Variants in F13A1 observed in about 807,000 individuals in gnomAD.
The protein encoded by F13A1 is FSF, A subunit.
In F13A1, 47 loss-of-function variants were observed where a neutral mutation model predicts 80.1. The ratio of observed to expected loss-of-function variants is 0.59; its 90% confidence interval spans 0.46 to 0.75. The LOEUF (loss-of-function observed/expected upper bound fraction) is 0.75, where lower values mean the gene tolerates loss of function less well. Among genes scored for constraint, F13A1 ranks in the 30% least tolerant of loss-of-function variants. The pLI is 0.00. For synonymous variants in F13A1, 349 were observed against 344.9 expected, an observed-to-expected ratio of 1.01 and a Z score of -0.13; for missense variants, 817 against 930.4, an observed-to-expected ratio of 0.88 and a Z score of 1.59.
In F13A1 at chr6:6,144,960, C is replaced by T. The variant is rs1282156305; in HGVS notation, c.*659G>A. Reference sequence around the variant, plus strand: ...TCAATAGACTTGAGTGTTGCACCTGCTTTCTTATCTCCTTGTAGGTGGTTA... The same window carrying T: ...TCAATAGACTTGAGTGTTGCACCTGTTTTCTTATCTCCTTGTAGGTGGTTA... On this transcript the variant is annotated 3_prime_UTR_variant, in exon 15 of 15. Coordinates refer to ENST00000264870, the MANE Select transcript of F13A1 (RefSeq NM_000129.4). The T allele has an allele frequency of 1.9e-5, 3 of 155,612 alleles. No individual in the cohort carries two copies. The highest frequency in any genetic ancestry group is 4.3e-5 in the Non-Finnish European group (3 of 70,034). The allele number at this position is 155,612 out of a possible 1,614,324, so 9.6% of individuals were successfully genotyped here. A position where few individuals can be genotyped will look rare whatever the true frequency, so the allele number is the denominator to read the frequency against.
chr6:6,292,649 G>T (rs1758240022), intron 3 of F13A1, among the ~76,000 whole-genome samples: 1 of 152,210 alleles, frequency 6.6e-6, no homozygotes, highest in South Asian at 2.1e-4. Flanking sequence ...ATAAGTGAAA[G>T]AAAGATATTA....
Position 6,222,064 on chromosome 6 carries a change from C to T in F13A1, c.1081G>A (p.Val361Met), listed in dbSNP as rs1053107480. 5.0e-6 allele frequency: 8 copies of T among 1,613,890 alleles called. No homozygotes were observed. The highest frequency in any genetic ancestry group is 4.5e-5 in the East Asian group (2 of 44,880). Reference sequence around the variant, plus strand: ...GAATCCTTGGTGAGTTTGGAATTCACGTTCCCATCTTCTTCCAGGAAGATG... The same window carrying T: ...GAATCCTTGGTGAGTTTGGAATTCATGTTCCCATCTTCTTCCAGGAAGATG... Reference protein sequence around the residue: ...MDIFLEEDGNVNSKLTKDSVW... With the variant: ...MDIFLEEDGNMNSKLTKDSVW... The change falls in exon 8 of 15, where the codon GTG becomes ATG. Residue 361 changes from valine (V) to methionine (M), a missense_variant. Transcript: ENST00000264870.
At chr6:6,252,097 C>T (rs770556624) in intron 4 of F13A1, among the ~76,000 whole-genome samples, 3 of 151,958 alleles carry the variant, frequency 2.0e-5, no homozygotes, top group Non-Finnish European at 4.4e-5. Flanking sequence ...TTTCATGACA[C>T]CGGGGGATGG....
chr6:6,245,454 C>A (rs1159702643), intron 6 of F13A1, among the ~76,000 whole-genome samples: 2 of 152,192 alleles, frequency 1.3e-5, no homozygotes, highest in African/African-American at 4.8e-5. Context: ...GAACTCCTGA[C>A]CTCAGGTGAT....
At chr6:6,209,501 A>G (rs1044916403) in intron 8 of F13A1, among the ~76,000 whole-genome samples, 2 of 152,346 alleles carry the variant, frequency 1.3e-5, no homozygotes, top group East Asian at 3.9e-4. Flanking sequence ...CTCTAAATAT[A>G]TGCCCATGAG....
intron 4 of F13A1, among the ~76,000 whole-genome samples, chr6:6,256,757 A>G (rs1017640524): frequency 7.2e-5 from 11 of 152,282 alleles, no homozygotes; most frequent in Non-Finnish European, 1.5e-4. Flanking sequence ...TAGTATCTGT[A>G]TAACCTCTTT....
chr6:6,253,202 G>A (rs1757658758), intron 4 of F13A1, among the ~76,000 whole-genome samples: 1 of 146,732 alleles, frequency 6.8e-6, no homozygotes, highest in African/African-American at 2.5e-5. Context: ...AAACTAATAT[G>A]TTGAAAAAGA....
Position 6,179,276 on chromosome 6 carries a change from C to A in F13A1, c.1459+2712G>T, listed in dbSNP as rs149115489. 1.6e-3 allele frequency among the ~76,000 whole-genome samples: 248 copies of A among 152,182 alleles called. 2 individuals carry two copies. Among genetic ancestry groups the A allele is most frequent in the African/African-American group, 5.8e-3 (239 of 41,524 alleles). The stretch of plus-strand genomic sequence containing the variant: ...GAAATTCTGATTTTCAAAGTCTTAT[C>A]GTTTCTTAATTATATATCTTGAAAA... On this transcript the variant is annotated intron_variant, in intron 11 of 14. Transcript: ENST00000264870.
intron 6 of F13A1, among the ~76,000 whole-genome samples, chr6:6,226,263 C>T (rs1409541859): frequency 6.6e-6 from 1 of 152,240 alleles, no homozygotes; most frequent in East Asian, 1.9e-4. Flanking sequence ...TGGTGTGGAG[C>T]CTTGCTACTT....
At chr6:6,229,873 C>G (rs111853906) in intron 6 of F13A1, among the ~76,000 whole-genome samples, 2,583 of 152,286 alleles carry the variant, frequency 0.017, 51 homozygotes, top group Middle Eastern at 0.024. Context: ...TCCGACTTCA[C>G]CTGGTGCTGG....
At chr6:6,239,494 T>G (rs1415807714) in intron 6 of F13A1, among the ~76,000 whole-genome samples, 1 of 152,118 alleles carries the variant, frequency 6.6e-6, no homozygotes, top group Non-Finnish European at 1.5e-5. Flanking sequence ...TAACTAACTG[T>G]AATGAATAGT....
intron 13 of F13A1, among the ~76,000 whole-genome samples, chr6:6,163,893 G>A (rs1182327111): frequency 6.6e-6 from 1 of 152,200 alleles, no homozygotes; most frequent in African/African-American, 2.4e-5. Flanking sequence ...TGGCCACACT[G>A]TTTTCCACAA....
At chr6:6,245,475 C>T (rs575148488) in intron 6 of F13A1, among the ~76,000 whole-genome samples, 67 of 152,300 alleles carry the variant, frequency 4.4e-4, no homozygotes, top group African/African-American at 1.4e-3. Flanking sequence ...CTGCCCGCCT[C>T]GGCCTCCCAA....
intron 3 of F13A1, among the ~76,000 whole-genome samples, chr6:6,275,973 A>G (rs1757982844): frequency 6.6e-6 from 1 of 152,222 alleles, no homozygotes; most frequent in Non-Finnish European, 1.5e-5. Context: ...ACAGAGCATA[A>G]CATTACACTG....
intron 8 of F13A1, among the ~76,000 whole-genome samples, chr6:6,209,974 CCAG>C (rs755375540): frequency 6.6e-6 from 1 of 151,940 alleles, no homozygotes; most frequent in Non-Finnish European, 1.5e-5. Context: ...GCCTGTAATC[CCAG>C]CACTCTGGGA....
chr6:6,225,467 G>A (rs891997231), intron 6 of F13A1, among the ~76,000 whole-genome samples: 1 of 151,930 alleles, frequency 6.6e-6, no homozygotes, highest in Non-Finnish European at 1.5e-5. Flanking sequence ...TGCTTACAGA[G>A]GTTTTTTGTT....
At chr6:6,165,861 G>A (rs1327314522) in intron 13 of F13A1, among the ~76,000 whole-genome samples, 4 of 152,326 alleles carry the variant, frequency 2.6e-5, no homozygotes, top group Admixed American at 1.3e-4. Context: ...CTTTTCAGGC[G>A]TCCTGTGCAC....
At chr6:6,149,460 G>A (rs1015329966) in intron 14 of F13A1, among the ~76,000 whole-genome samples, 3 of 152,178 alleles carry the variant, frequency 2.0e-5, no homozygotes, top group Non-Finnish European at 4.4e-5. Context: ...ACCATTTAGC[G>A]ATGGAGCTTT....
intron 3 of F13A1, among the ~76,000 whole-genome samples, chr6:6,295,292 T>C (rs1373747104): frequency 6.7e-5 from 10 of 148,892 alleles, no homozygotes; most frequent in Admixed American, 4.0e-4. Context: ...ATGGTATTTC[T>C]AGTTCTAGAT....
Sources: allele counts gnomAD v4.1 joint callset (sites outside exome capture counted in the v4.1 genomes callset), GRCh38; gene constraint gnomAD v4.1.1; transcripts MANE v1.5; gene names NCBI Gene and HGNC (gene_info 2026-07-23, HGNC 2026-07-21).